BPTF: variants seen among roughly 807,000 people sequenced by gnomAD.
The protein encoded by BPTF is bromodomain PHD finger transcription factor.
A neutral mutation model predicts 292.5 loss-of-function variants in BPTF; 18 were observed. The observed-to-expected ratio is 0.06, with a 90% CI of 0.04 to 0.09. The LOEUF is 0.09. Ranked by LOEUF, BPTF falls within the 10% of genes least tolerant of loss-of-function variation. The pLI is 1.00. For missense variants in BPTF, 2,726 were observed against 3,498.7 expected, an observed-to-expected ratio of 0.78 and a Z score of 5.57; for synonymous variants, 1,225 against 1,251.9, an observed-to-expected ratio of 0.98 and a Z score of 0.45.
At chr17:67,864,647 A>T (rs2059289819) in intron 2 of BPTF, among the ~76,000 whole-genome samples, 1 of 152,226 alleles carries the variant, frequency 6.6e-6, no homozygotes, top group African/African-American at 2.4e-5. Flanking sequence ...TTTATGCTTT[A>T]ATGAATTTTT....
chr17:67,873,398 C>T (rs2059867626), intron 3 of BPTF, among the ~76,000 whole-genome samples: 1 of 148,212 alleles, frequency 6.7e-6, no homozygotes, highest in Non-Finnish European at 1.5e-5. Flanking sequence ...GCAGAGGTTG[C>T]AGTGAGCCAG....
intron 8 of BPTF, among the ~76,000 whole-genome samples, chr17:67,904,489 A>T (rs752365883): frequency 6.6e-6 from 1 of 152,214 alleles, no homozygotes; most frequent in Non-Finnish European, 1.5e-5. Context: ...TTACATGCTA[A>T]AAAGGAGTAT....
At chr17:67,851,910 A>G (rs1032365999) in intron 1 of BPTF, among the ~76,000 whole-genome samples, 7 of 136,100 alleles carry the variant, frequency 5.1e-5, no homozygotes, top group Non-Finnish European at 9.2e-5. Flanking sequence ...AACTAGTGAG[A>G]TTGGGGTCCT....
chr17:67,839,923 T>C (rs2057417564), intron 1 of BPTF, among the ~76,000 whole-genome samples: 1 of 152,146 alleles, frequency 6.6e-6, no homozygotes, highest in Admixed American at 6.6e-5. Flanking sequence ...CCGGTTGCCC[T>C]GTATCCTCCC....
intron 1 of BPTF, among the ~76,000 whole-genome samples, chr17:67,839,373 T>C (rs964226111): frequency 6.6e-6 from 1 of 152,166 alleles, no homozygotes; most frequent in Non-Finnish European, 1.5e-5. Flanking sequence ...TTTTGTCACA[T>C]GTCATCTTAG....
In BPTF at chr17:67,929,384, C is replaced by T; in HGVS notation, c.6047C>T (p.Thr2016Ile). The T allele has an allele frequency of 1.2e-6, 2 of 1,614,170 alleles. No individual in the cohort carries two copies. The highest frequency in any genetic ancestry group is 4.5e-5 in the East Asian group (2 of 44,876). Residue 2016 changes from threonine (T) to isoleucine (I), a missense_variant, in exon 17 of 28, where the codon ACA becomes ATA. Transcript: ENST00000306378. Reference sequence around the variant, plus strand: ...GTCCTGGGTATCATTCCATCAAGTACAGGTACCAGTCAGCAAACCTTTACT... The same window carrying T: ...GTCCTGGGTATCATTCCATCAAGTATAGGTACCAGTCAGCAAACCTTTACT... ...QKVLGIIPSS[T>I]GTSQQTFTSF...
intron 18 of BPTF, 89 bp downstream of exon 18, chr17:67,932,108 A>G: frequency 9.1e-7 from 1 of 1,101,098 alleles, no homozygotes; most frequent in Non-Finnish European, 1.3e-6. Context: ...ACATACGAGA[A>G]ATATAATTTT....
chr17:67,934,597 T>G (rs2064745002), intron 18 of BPTF, among the ~76,000 whole-genome samples: 1 of 151,718 alleles, frequency 6.6e-6, no homozygotes. Flanking sequence ...TGAGTACAGC[T>G]GGGTGTGGTG....
rs1271892231 is a variant in BPTF at position 67,982,483 on chromosome 17, G to A, written c.*195G>A. On this transcript the variant is annotated 3_prime_UTR_variant, in exon 28 of 28. Coordinates refer to ENST00000306378, the MANE Select transcript of BPTF (RefSeq NM_182641.4). ...CGGACAAGAAAAAAGCAAAGTCAACGACACCATTATCTTGTCAAGATCAGA... is the reference window on the plus strand; with the variant it reads ...CGGACAAGAAAAAAGCAAAGTCAACAACACCATTATCTTGTCAAGATCAGA... 2.1e-5 allele frequency: 10 copies of A among 471,902 alleles called. No homozygotes were observed. The highest frequency in any genetic ancestry group is 3.8e-5 in the Non-Finnish European group (10 of 260,298). The allele number at this position is 471,902 out of a possible 1,614,324, so 29.2% of individuals were successfully genotyped here. A position where few individuals can be genotyped will look rare whatever the true frequency, so the allele number is the denominator to read the frequency against.
At chr17:67,962,763 T>A (rs541219259) in intron 24 of BPTF, among the ~76,000 whole-genome samples, 1 of 152,260 alleles carries the variant, frequency 6.6e-6, no homozygotes, top group Non-Finnish European at 1.5e-5. Flanking sequence ...CTCTATGTAC[T>A]TTCTTAGTTT....
intron 10 of BPTF, among the ~76,000 whole-genome samples, chr17:67,910,531 G>A (rs2062582947): frequency 6.6e-6 from 1 of 152,188 alleles, no homozygotes; most frequent in Admixed American, 6.5e-5. Flanking sequence ...TGGGCGTGGT[G>A]GCTCATGCCT....
At chr17:67,858,783 T>A (rs1207532784) in intron 2 of BPTF, among the ~76,000 whole-genome samples, 1 of 152,154 alleles carries the variant, frequency 6.6e-6, no homozygotes, top group Non-Finnish European at 1.5e-5. Flanking sequence ...GCTCCAATTC[T>A]CCCATTCCTG....
intron 8 of BPTF, 49 bp downstream of exon 8, chr17:67,903,967 T>G (rs1261363866): frequency 6.7e-7 from 1 of 1,485,286 alleles, no homozygotes. Flanking sequence ...TTTCTGAGAC[T>G]TTTATTCTGA....
At chr17:67,969,751 C>T (rs896163058) in intron 26 of BPTF, among the ~76,000 whole-genome samples, 26 of 151,800 alleles carry the variant, frequency 1.7e-4, no homozygotes, top group African/African-American at 6.1e-4. Context: ...TAGCTTGAGC[C>T]CAGGATTTTA....
intron 1 of BPTF, among the ~76,000 whole-genome samples, chr17:67,826,734 T>C (rs1011896491): frequency 6.6e-6 from 1 of 152,148 alleles, no homozygotes; most frequent in African/African-American, 2.4e-5. Context: ...AAGCCTCTTG[T>C]TTTGCAAACC....
At chr17:67,861,291 T>A (rs2059062235) in intron 2 of BPTF, among the ~76,000 whole-genome samples, 1 of 151,954 alleles carries the variant, frequency 6.6e-6, no homozygotes. Context: ...GACTAGTCAG[T>A]CACCCCTAAA....
chr17:67,972,689 C>T (rs573032199), intron 26 of BPTF, among the ~76,000 whole-genome samples: 1 of 152,126 alleles, frequency 6.6e-6, no homozygotes, highest in East Asian at 1.9e-4. Flanking sequence ...TTTTCCTCCT[C>T]CATAATATAT....
chr17:67,980,485 C>T (rs1259854887), intron 27 of BPTF, among the ~76,000 whole-genome samples: 1 of 152,226 alleles, frequency 6.6e-6, no homozygotes, highest in African/African-American at 2.4e-5. Context: ...ATTTGTACAT[C>T]GTGGTTATTC....
intron 27 of BPTF, among the ~76,000 whole-genome samples, chr17:67,978,321 C>T: frequency 7.2e-6 from 1 of 139,214 alleles, no homozygotes; most frequent in South Asian, 2.3e-4. Context: ...TTTTTTGAGA[C>T]AGAGTCTCAC....
Sources: allele counts gnomAD v4.1 joint callset (sites outside exome capture counted in the v4.1 genomes callset), GRCh38; gene constraint gnomAD v4.1.1; transcripts MANE v1.5; gene names NCBI Gene and HGNC (gene_info 2026-07-23, HGNC 2026-07-21).